Variants in EPHA7 observed in about 807,000 individuals in gnomAD.
The protein encoded by EPHA7 is EPH receptor A7, also known as ephrin type-A receptor 7.
Under a neutral mutation model 112.6 loss-of-function variants are expected in EPHA7, and 25 were observed. That is an observed-to-expected ratio of 0.22 (90% CI 0.16 to 0.31). The LOEUF (loss-of-function observed/expected upper bound fraction) is 0.31, where lower values mean the gene tolerates loss of function less well. Among genes scored for constraint, EPHA7 ranks in the 10% least tolerant of loss-of-function variants. EPHA7 has a pLI of 1.00. For missense variants in EPHA7, 962 were observed against 1,212.6 expected (o/e 0.79, Z 3.07); for synonymous variants, 437 against 406.5 (o/e 1.07, Z -0.90).
In EPHA7 at chr6:93,243,391, A is replaced by G; in HGVS notation, c.*35T>C. 2.7e-6 allele frequency: 4 copies of G among 1,497,360 alleles called. No homozygotes were observed. Among genetic ancestry groups the G allele is most frequent in the Admixed American group, 1.7e-5 (1 of 59,810 alleles). 92.8% of individuals were successfully genotyped at this position (1,497,360 alleles called of 1,614,324 possible). A position where few individuals can be genotyped will look rare whatever the true frequency, so the allele number is the denominator to read the frequency against. Reference sequence around the variant, plus strand: ...CTGAAGGCCAGTACTGTTCTCTTGCAGTCTGTAATCTCCCTTAAAAGGGAG... The same window carrying G: ...CTGAAGGCCAGTACTGTTCTCTTGCGGTCTGTAATCTCCCTTAAAAGGGAG... On this transcript the variant is annotated 3_prime_UTR_variant, in exon 17 of 17. Transcript: ENST00000369303.
Position 93,242,594 on chromosome 6 carries a change from C to T in EPHA7, c.*832G>A, listed in dbSNP as rs973567142. Reference sequence around the variant, plus strand: ...TTTATATACTCATAAACCTAAACTTCGAGTTTATTAAATTCTTTCTAGTAA... The same window carrying T: ...TTTATATACTCATAAACCTAAACTTTGAGTTTATTAAATTCTTTCTAGTAA... On this transcript the variant is annotated 3_prime_UTR_variant, in exon 17 of 17. Transcript: ENST00000369303. 2.4e-5 allele frequency: 5 copies of T among 212,688 alleles called. No homozygotes were observed. The highest frequency in any genetic ancestry group is 7.1e-5 in the East Asian group (1 of 14,074). 13.2% of individuals were successfully genotyped at this position (212,688 alleles called of 1,614,324 possible).
chr6:93,396,447 A>T (rs1489546281), intron 3 of EPHA7, among the ~76,000 whole-genome samples: 1 of 151,892 alleles, frequency 6.6e-6, no homozygotes, highest in Non-Finnish European at 1.5e-5. Context: ...ATATAAAAAT[A>T]TTTAATACCT....
At chr6:93,257,939 GATAACATAA>G (rs1209805297) in intron 11 of EPHA7, among the ~76,000 whole-genome samples, 151 bp downstream of exon 11, 1 of 151,756 alleles carries the variant, frequency 6.6e-6, no homozygotes, top group Non-Finnish European at 1.5e-5. Context: ...CCCTTGAGGT[GATAACATAA>G]AGGAAGAATT....
intron 11 of EPHA7, among the ~76,000 whole-genome samples, chr6:93,257,805 TAA>T (rs1225752453): frequency 6.6e-6 from 1 of 152,064 alleles, no homozygotes; most frequent in Non-Finnish European, 1.5e-5. Flanking sequence ...ATGTAAAATG[TAA>T]AGACTATATT....
intron 14 of EPHA7, among the ~76,000 whole-genome samples, chr6:93,253,123 G>C (rs961933347): frequency 6.6e-6 from 1 of 151,908 alleles, no homozygotes; most frequent in African/African-American, 2.4e-5. Flanking sequence ...GAAACTCCAT[G>C]GAGTGTCTAG....
intron 3 of EPHA7, among the ~76,000 whole-genome samples, chr6:93,407,868 T>C (rs975369266): frequency 6.6e-6 from 1 of 152,000 alleles, no homozygotes; most frequent in Non-Finnish European, 1.5e-5. Context: ...ATTTTTCTCA[T>C]TTGAAATAAA....
chr6:93,369,518 T>C (rs1776681040), intron 3 of EPHA7, among the ~76,000 whole-genome samples: 1 of 152,208 alleles, frequency 6.6e-6, no homozygotes, highest in South Asian at 2.1e-4. Context: ...TCATTCTTTT[T>C]AAAAGAGCAA....
intron 5 of EPHA7, among the ~76,000 whole-genome samples, chr6:93,339,285 G>T (rs188699539): frequency 6.6e-6 from 1 of 151,574 alleles, no homozygotes; most frequent in South Asian, 2.1e-4. Context: ...AATAGTCAAC[G>T]ATTTATTATT....
chr6:93,292,838 T>C (rs1287939267), intron 5 of EPHA7, among the ~76,000 whole-genome samples: 1 of 152,152 alleles, frequency 6.6e-6, no homozygotes, highest in Non-Finnish European at 1.5e-5. Flanking sequence ...AAGATAGTGA[T>C]AGAGAGAGGT....
chr6:93,241,189 C>T lies in EPHA7; in HGVS notation c.*2237G>A, dbSNP rs1256784801. 3 of 212,926 alleles carry T rather than the reference C, an allele frequency of 1.4e-5. No individual in the cohort carries two copies. Among genetic ancestry groups the T allele is most frequent in the African/African-American group, 4.5e-5 (2 of 44,252 alleles). The allele number at this position is 212,926 out of a possible 1,614,324, so 13.2% of individuals were successfully genotyped here. On this transcript the variant is annotated 3_prime_UTR_variant, in exon 17 of 17. Coordinates refer to ENST00000369303, the MANE Select transcript of EPHA7 (RefSeq NM_004440.4). ...ACTATGTCTTCTATTTCTAGAATGG[C>T]TTTTGTTAATTTAATTTTAATAGAA...
rs1779139602 is a variant in EPHA7 at position 93,414,690 on chromosome 6, GA to G, written c.162+12del. 2.5e-6 allele frequency: 4 copies of G among 1,605,140 alleles called. No individual in the cohort carries two copies. Among genetic ancestry groups the G allele is most frequent in the Admixed American group, 1.7e-5 (1 of 59,610 alleles). On this transcript the variant is annotated intron_variant, in intron 2 of 16. Transcript: ENST00000369303. ...TTTTAAAAAAGTGATATTTTATGAT[GA>G]AAAAAACTTACCCCATTGGGTGGAG... is the stretch of plus-strand genomic sequence containing the variant.
At chr6:93,319,271 T>G (rs1258823595) in intron 5 of EPHA7, among the ~76,000 whole-genome samples, 1 of 152,064 alleles carries the variant, frequency 6.6e-6, no homozygotes, top group African/African-American at 2.4e-5. Flanking sequence ...TAAGGTTGTT[T>G]GCACACTGTC....
intron 5 of EPHA7, among the ~76,000 whole-genome samples, chr6:93,287,564 C>G (rs1293692751): frequency 6.7e-6 from 1 of 150,326 alleles, no homozygotes; most frequent in South Asian, 2.1e-4. Context: ...TTCAAGGGTA[C>G]CTGTGCAGGT....
chr6:93,326,993 T>C (rs1241762437), intron 5 of EPHA7, among the ~76,000 whole-genome samples: 2 of 151,558 alleles, frequency 1.3e-5, no homozygotes, highest in Non-Finnish European at 3.0e-5. Context: ...CCCATCACTT[T>C]AAAATACATT....
At chr6:93,346,328 T>C (rs1201694245) in intron 5 of EPHA7, among the ~76,000 whole-genome samples, 2 of 151,734 alleles carry the variant, frequency 1.3e-5, no homozygotes, top group Admixed American at 1.3e-4. Context: ...AAACTGCGTC[T>C]GTCTCCACAA....
chr6:93,369,445 G>A (rs184986536), intron 3 of EPHA7, among the ~76,000 whole-genome samples: 42 of 152,208 alleles, frequency 2.8e-4, no homozygotes, highest in African/African-American at 9.2e-4. Context: ...TCATTTAATT[G>A]TCTGTTAAAA....
chr6:93,317,458 A>G (rs1773867681), intron 5 of EPHA7, among the ~76,000 whole-genome samples: 1 of 152,066 alleles, frequency 6.6e-6, no homozygotes, highest in East Asian at 1.9e-4. Flanking sequence ...TGGCCTTGGT[A>G]TTTTTACATA....
chr6:93,264,745 C>G lies in EPHA7; in HGVS notation c.1634-43G>C, dbSNP rs748500655. ...AGGCTCAGAAATACTTGACACCATG[C>G]AAGAACTTGAAAGGTTAAATAAAAT... On this transcript the variant is annotated intron_variant, in intron 7 of 16. Coordinates refer to ENST00000369303, the MANE Select transcript of EPHA7 (RefSeq NM_004440.4). 17 of 1,211,404 alleles carry G rather than the reference C, an allele frequency of 1.4e-5. No homozygotes were observed. The Admixed American group carries it at 3.8e-4, about 27-fold the overall frequency. 75.0% of individuals were successfully genotyped at this position (1,211,404 alleles called of 1,614,324 possible).
intron 5 of EPHA7, among the ~76,000 whole-genome samples, chr6:93,309,357 A>G (rs904289748): frequency 6.6e-6 from 1 of 152,172 alleles, no homozygotes; most frequent in East Asian, 1.9e-4. Context: ...CTACTTTCAA[A>G]ATGTTCTATA....
Sources: allele counts gnomAD v4.1 joint callset (sites outside exome capture counted in the v4.1 genomes callset), GRCh38; gene constraint gnomAD v4.1.1; transcripts MANE v1.5; gene names NCBI Gene and HGNC (gene_info 2026-07-23, HGNC 2026-07-21).